The following GRM8 variants were observed in gnomAD, a reference collection of about 807,000 sequenced individuals.
GRM8 encodes metabotropic glutamate receptor 8.
A neutral mutation model predicts 87.2 loss-of-function variants in GRM8; 47 were observed. The observed-to-expected ratio is 0.54, with a 90% CI of 0.43 to 0.69. GRM8 has a LOEUF of 0.69. Ranked by LOEUF, GRM8 falls within the 30% of genes least tolerant of loss-of-function variation. The pLI, the probability that GRM8 is intolerant of heterozygous loss-of-function variation, is 0.00. For missense variants in GRM8, 1,019 were observed against 1,139.2 expected (o/e 0.89, Z 1.52); for synonymous variants, 396 against 404.5 (o/e 0.98, Z 0.25).
chr7:127,182,003 TTAAAC>T (rs1429794625), intron 2 of GRM8, among the ~76,000 whole-genome samples: 2 of 151,982 alleles, frequency 1.3e-5, no homozygotes, highest in African/African-American at 2.4e-5. Flanking sequence ...TAGGACCTAA[TTAAAC>T]TAAAGAGCTT....
At chr7:126,912,128 C>T (rs566642172) in intron 3 of GRM8, among the ~76,000 whole-genome samples, 33 of 152,024 alleles carry the variant, frequency 2.2e-4, no homozygotes, top group Non-Finnish European at 3.8e-4. Context: ...ACCCGGGAGG[C>T]GGAGCTTGCA....
intron 6 of GRM8, among the ~76,000 whole-genome samples, chr7:126,784,740 C>T (rs571801386): frequency 6.6e-6 from 1 of 151,916 alleles, no homozygotes; most frequent in Non-Finnish European, 1.5e-5. Context: ...TTATTATTAC[C>T]GTTTTTTAGG....
chr7:127,110,175 T>C (rs1339133178), intron 2 of GRM8, among the ~76,000 whole-genome samples: 1 of 152,196 alleles, frequency 6.6e-6, no homozygotes, highest in Non-Finnish European at 1.5e-5. Flanking sequence ...AAGCACTTCA[T>C]CATCCCTTGT....
intron 2 of GRM8, among the ~76,000 whole-genome samples, chr7:127,222,014 G>A (rs1470866805): frequency 1.3e-5 from 2 of 152,088 alleles, no homozygotes; most frequent in African/African-American, 4.8e-5. Context: ...TTTAGTCTTC[G>A]GTGCTCCTTA....
At chr7:126,761,370 C>T (rs1403541813) in intron 7 of GRM8, among the ~76,000 whole-genome samples, 1 of 152,058 alleles carries the variant, frequency 6.6e-6, no homozygotes, top group East Asian at 1.9e-4. Flanking sequence ...CTAGTCAAAG[C>T]ACAGTACCTA....
At chr7:127,216,436 T>C (rs1472998382) in intron 2 of GRM8, among the ~76,000 whole-genome samples, 1 of 147,566 alleles carries the variant, frequency 6.8e-6, no homozygotes, top group Non-Finnish European at 1.5e-5. Flanking sequence ...GAGAATTTCT[T>C]GAACCCAGCA....
intron 2 of GRM8, among the ~76,000 whole-genome samples, chr7:127,233,916 A>T (rs768313978): frequency 1.3e-5 from 2 of 152,224 alleles, no homozygotes; most frequent in Non-Finnish European, 2.9e-5. Flanking sequence ...TATTCAAGAT[A>T]CATAAAGATT....
intron 2 of GRM8, among the ~76,000 whole-genome samples, chr7:127,196,753 G>A (rs1795298894): frequency 6.6e-6 from 1 of 152,198 alleles, no homozygotes; most frequent in Non-Finnish European, 1.5e-5. Context: ...CACTTTGCAA[G>A]TGTTTGATCT....
intron 8 of GRM8, among the ~76,000 whole-genome samples, chr7:126,552,880 G>C (rs1792738534): frequency 6.6e-6 from 1 of 151,986 alleles, no homozygotes; most frequent in African/African-American, 2.4e-5. Flanking sequence ...AATTAGGTCA[G>C]GATTTAAGTC....
At chr7:126,646,316 AAGG>A (rs1803084042) in intron 7 of GRM8, among the ~76,000 whole-genome samples, 1 of 151,778 alleles carries the variant, frequency 6.6e-6, no homozygotes, top group Non-Finnish European at 1.5e-5. Flanking sequence ...AGAAGGAAGG[AAGG>A]AAGAAAGGAA....
intron 7 of GRM8, among the ~76,000 whole-genome samples, chr7:126,614,733 G>A (rs1363874856): frequency 1.3e-5 from 2 of 152,220 alleles, no homozygotes; most frequent in East Asian, 1.9e-4. Flanking sequence ...GAATGCACAA[G>A]CTTCAGTAGC....
chr7:126,812,887 C>T (rs1397649167), intron 6 of GRM8, among the ~76,000 whole-genome samples: 2 of 152,014 alleles, frequency 1.3e-5, no homozygotes, highest in African/African-American at 4.8e-5. Flanking sequence ...GAACTTCCAT[C>T]AAAAACAGAC....
intron 6 of GRM8, among the ~76,000 whole-genome samples, chr7:126,823,967 T>C (rs1794527849): frequency 6.6e-6 from 1 of 152,194 alleles, no homozygotes; most frequent in African/African-American, 2.4e-5. Context: ...TTTGTGTGTG[T>C]GTGTCAAAGC....
chr7:126,600,750 G>T (rs778956412), intron 8 of GRM8, among the ~76,000 whole-genome samples: 1 of 151,998 alleles, frequency 6.6e-6, no homozygotes, highest in Non-Finnish European at 1.5e-5. Flanking sequence ...AAATCATATT[G>T]TTATCTTTTA....
chr7:127,028,133 A>G (rs1368232472), intron 3 of GRM8, among the ~76,000 whole-genome samples: 4 of 152,186 alleles, frequency 2.6e-5, no homozygotes, highest in Non-Finnish European at 4.4e-5. Context: ...GATTATGTTT[A>G]TTGATTTTTG....
chr7:127,046,713 T>C (rs1275126362), intron 3 of GRM8, among the ~76,000 whole-genome samples: 1 of 152,266 alleles, frequency 6.6e-6, no homozygotes, highest in Non-Finnish European at 1.5e-5. Context: ...AATTTTCTTT[T>C]AAATAATGAT....
At chr7:126,946,993 G>A (rs1807606787) in intron 3 of GRM8, among the ~76,000 whole-genome samples, 1 of 152,160 alleles carries the variant, frequency 6.6e-6, no homozygotes, top group South Asian at 2.1e-4. Flanking sequence ...ACACTGTCCA[G>A]TTTCTTATCT....
At chr7:126,829,858 GT>G (rs1325383928) in intron 6 of GRM8, among the ~76,000 whole-genome samples, 1 of 152,126 alleles carries the variant, frequency 6.6e-6, no homozygotes, top group Non-Finnish European at 1.5e-5. Flanking sequence ...GCCTTTCCAT[GT>G]TTACTGCTTC....
At chr7:127,102,538 C>G (rs1219804289) in intron 3 of GRM8, among the ~76,000 whole-genome samples, 3 of 152,236 alleles carry the variant, frequency 2.0e-5, no homozygotes, top group African/African-American at 4.8e-5. Context: ...CACTCTAGCT[C>G]TAGCCTTGGC....
Sources: gnomAD v4.1 joint callset for allele counts (sites outside exome capture counted in the v4.1 genomes callset) on GRCh38, gnomAD v4.1.1 for gene constraint, MANE v1.5 for transcripts, NCBI Gene and HGNC (gene_info 2026-07-23, HGNC 2026-07-21) for gene names.